The following TLN2 variants were observed in gnomAD, a reference collection of about 807,000 sequenced individuals.
The protein encoded by TLN2 is talin 2.
TLN2 carries 118 observed loss-of-function variants against 294.7 expected under a neutral mutation model. The ratio of observed to expected loss-of-function variants is 0.40; its 90% CI spans 0.34 to 0.47. The LOEUF is 0.47. Ranked by LOEUF, TLN2 falls within the 20% of genes least tolerant of loss-of-function variation. The pLI is 0.84. For missense variants in TLN2, 3,083 were observed against 3,282.2 expected, an observed-to-expected ratio of 0.94 and a Z score of 1.48; for synonymous variants, 1,431 against 1,304.5, an observed-to-expected ratio of 1.10 and a Z score of -2.09.
Position 62,502,474 on chromosome 15 carries a change from G to A in TLN2, c.-237-87213G>A, listed in dbSNP as rs150502775. Reference sequence around the variant, plus strand: ...TGTCAAGCCTGTGCAGCTGCCTGGTGCCTGACCTGGGACAGATTGCTCTAG... The same window carrying A: ...TGTCAAGCCTGTGCAGCTGCCTGGTACCTGACCTGGGACAGATTGCTCTAG... On this transcript the variant is annotated intron_variant, in intron 1 of 58. Coordinates refer to ENST00000636159, the MANE Select transcript of TLN2 (RefSeq NM_015059.3). Among the ~76,000 whole-genome samples, 6 of 151,418 alleles carry A rather than the reference G, an allele frequency of 4.0e-5. No individual in the cohort carries two copies. In the East Asian group the frequency reaches 9.9e-4, roughly 25 times the overall value.
At chr15:62,501,094 G>A (rs934123484) in intron 1 of TLN2, among the ~76,000 whole-genome samples, 4 of 152,244 alleles carry the variant, frequency 2.6e-5, no homozygotes, top group Non-Finnish European at 5.9e-5. Flanking sequence ...CATGGGGCAT[G>A]TTATAGACCA....
At chr15:62,459,627 A>G (rs945294316) in intron 1 of TLN2, among the ~76,000 whole-genome samples, 1 of 152,150 alleles carries the variant, frequency 6.6e-6, no homozygotes, top group South Asian at 2.1e-4. Flanking sequence ...ACAACATCCA[A>G]CCAACACTTG....
intron 1 of TLN2, among the ~76,000 whole-genome samples, chr15:62,507,075 A>G (rs1356430828): frequency 6.6e-6 from 1 of 152,204 alleles, no homozygotes; most frequent in African/African-American, 2.4e-5. Context: ...TAATTTTAAG[A>G]TTATTTAATC....
intron 22 of TLN2, among the ~76,000 whole-genome samples, chr15:62,712,600 G>A (rs1434752423): frequency 6.6e-6 from 1 of 152,172 alleles, no homozygotes; most frequent in African/African-American, 2.4e-5. Flanking sequence ...ATAGCATAAT[G>A]CTTACAAAAC....
chr15:62,582,775 G>C (rs2045251398), intron 1 of TLN2, among the ~76,000 whole-genome samples: 1 of 152,132 alleles, frequency 6.6e-6, no homozygotes, highest in Admixed American at 6.5e-5. Flanking sequence ...CAGTGACTGT[G>C]TTACCTGATT....
chr15:62,823,788 G>A (rs978011305), intron 54 of TLN2, among the ~76,000 whole-genome samples: 2 of 152,276 alleles, frequency 1.3e-5, no homozygotes, highest in African/African-American at 4.8e-5. Context: ...GTCAGTGAGC[G>A]CTGGTGCATG....
At chr15:62,590,703 G>T (rs116094577) in intron 2 of TLN2, among the ~76,000 whole-genome samples, 5 of 152,040 alleles carry the variant, frequency 3.3e-5, no homozygotes, top group African/African-American at 1.2e-4. Context: ...TGGTTGTCCT[G>T]GGGGGGTTGT....
At chr15:62,586,046 C>T (rs1260026623) in intron 1 of TLN2, among the ~76,000 whole-genome samples, 1 of 152,096 alleles carries the variant, frequency 6.6e-6, no homozygotes, top group East Asian at 1.9e-4. Context: ...CATACCAAGC[C>T]GGATGACTAG....
chr15:62,440,288 G>A (rs1485285505), intron 1 of TLN2, among the ~76,000 whole-genome samples: 1 of 152,108 alleles, frequency 6.6e-6, no homozygotes, highest in Non-Finnish European at 1.5e-5. Flanking sequence ...TTGAAACATT[G>A]ATTTATGGTA....
chr15:62,505,244 A>G (rs1006205184), intron 1 of TLN2, among the ~76,000 whole-genome samples: 1 of 152,190 alleles, frequency 6.6e-6, no homozygotes, highest in African/African-American at 2.4e-5. Flanking sequence ...GGCGTGAGCC[A>G]CTGTGCTCGG....
chr15:62,526,404 A>G (rs1248731965), intron 1 of TLN2, among the ~76,000 whole-genome samples: 1 of 152,212 alleles, frequency 6.6e-6, no homozygotes, highest in East Asian at 1.9e-4. Context: ...GAATGAAACC[A>G]TATGAACACA....
chr15:62,569,534 C>T (rs1327647128), intron 1 of TLN2, among the ~76,000 whole-genome samples: 5 of 152,232 alleles, frequency 3.3e-5, no homozygotes, highest in Admixed American at 3.3e-4. Flanking sequence ...TTCTCAGGCA[C>T]ACTCTGCTAC....
rs2052004413 is a variant in TLN2 at position 62,647,376 on chromosome 15, A to T, written c.66A>T (p.Glu22Asp). The change falls in exon 4 of 59, where the codon GAA (glutamate) becomes GAT (aspartate). Residue 22 changes from glutamate (E) to aspartate (D), a missense_variant. Physicochemically the swap from Glu to Asp is conservative, Grantham distance 45. Transcript: ENST00000636159. ...ACGTGGTGAAGACCATGCAGTTTGA[A>T]CCATCTACAGCTGTGTACGATGCGT... ...HCNVVKTMQF[E>D]PSTAVYDACR... 6.2e-7 allele frequency: 1 copy of T among 1,614,092 alleles called. No individual in the cohort carries two copies. The highest frequency in any genetic ancestry group is 1.3e-5 in the African/African-American group (1 of 74,926).
intron 54 of TLN2, among the ~76,000 whole-genome samples, chr15:62,826,396 T>A (rs905990262): frequency 6.6e-6 from 1 of 152,152 alleles, no homozygotes; most frequent in Non-Finnish European, 1.5e-5. Flanking sequence ...GTGTGGTCCC[T>A]CCCCAGTCAC....
chr15:62,778,215 A>G (rs2063854783), intron 43 of TLN2, among the ~76,000 whole-genome samples: 3 of 152,206 alleles, frequency 2.0e-5, no homozygotes, highest in Non-Finnish European at 4.4e-5. Context: ...GTCTCCCTTT[A>G]GAGGCCGCAG....
intron 2 of TLN2, among the ~76,000 whole-genome samples, chr15:62,615,168 C>T (rs2048214178): frequency 6.6e-6 from 1 of 152,190 alleles, no homozygotes; most frequent in South Asian, 2.1e-4. Flanking sequence ...CATCTGAGAA[C>T]AGGCTTCTTT....
intron 10 of TLN2, among the ~76,000 whole-genome samples, chr15:62,674,582 A>G (rs1173018898): frequency 6.9e-6 from 1 of 144,844 alleles, no homozygotes; most frequent in African/African-American, 2.5e-5. Flanking sequence ...CAACCTCCGT[A>G]CCTCCCCCCG....
chr15:62,475,921 A>G (rs539727903), intron 1 of TLN2, among the ~76,000 whole-genome samples: 5 of 152,352 alleles, frequency 3.3e-5, no homozygotes, highest in African/African-American at 1.2e-4. Context: ...TAAGCTTTAT[A>G]GACTTGATTC....
intron 1 of TLN2, among the ~76,000 whole-genome samples, chr15:62,405,950 T>C (rs2033372191): frequency 6.6e-6 from 1 of 152,174 alleles, no homozygotes; most frequent in Non-Finnish European, 1.5e-5. Flanking sequence ...GCTGGCTCTT[T>C]GATGAACCTC....
Sources: gnomAD v4.1 joint callset for allele counts (sites outside exome capture counted in the v4.1 genomes callset) on GRCh38, gnomAD v4.1.1 for gene constraint, MANE v1.5 for transcripts, NCBI Gene and HGNC (gene_info 2026-07-23, HGNC 2026-07-21) for gene names.